Variants in AGBL1 observed in about 807,000 individuals in gnomAD.
AGBL1 encodes the protein AGBL carboxypeptidase 1.
A neutral mutation model predicts 118.9 loss-of-function variants in AGBL1; 130 were observed. That is an observed-to-expected ratio of 1.09 (90% confidence interval 0.95 to 1.26). The LOEUF (loss-of-function observed/expected upper bound fraction) is 1.26, where lower values mean the gene tolerates loss of function less well. Among genes scored for constraint, AGBL1 ranks in the 50% most tolerant of loss-of-function variants. AGBL1 has a pLI of 0.00. For synonymous variants in AGBL1, 555 were observed against 478.9 expected, an observed-to-expected ratio of 1.16 and a Z score of -2.08; for missense variants, 1,584 against 1,298.1, an observed-to-expected ratio of 1.22 and a Z score of -3.38.
intron 22 of AGBL1, among the ~76,000 whole-genome samples, chr15:86,811,688 C>T (rs563092718): frequency 9.2e-5 from 14 of 152,236 alleles, no homozygotes; most frequent in South Asian, 8.3e-4. Flanking sequence ...CAGTTTGGAA[C>T]TCAAACAGTC....
chr15:86,956,719 C>T (rs2080935395), intron 23 of AGBL1, among the ~76,000 whole-genome samples: 1 of 152,070 alleles, frequency 6.6e-6, no homozygotes. Flanking sequence ...AATTGGTCAC[C>T]ATTGTTTAAC....
At chr15:86,263,055 G>A (rs2079018169) in intron 10 of AGBL1, among the ~76,000 whole-genome samples, 161 bp downstream of exon 10, 1 of 152,146 alleles carries the variant, frequency 6.6e-6, no homozygotes, top group African/African-American at 2.4e-5. Flanking sequence ...AAACAAAAGT[G>A]GGAAAAGATG....
chr15:86,156,798 T>C (rs544855065), intron 4 of AGBL1, among the ~76,000 whole-genome samples: 92 of 76,052 alleles, frequency 1.2e-3, no homozygotes, highest in East Asian at 7.6e-3. Flanking sequence ...TTCTTTCTTT[T>C]TTTTTTTTTT....
chr15:86,231,743 C>T lies in AGBL1; in HGVS notation c.526+6792C>T, dbSNP rs114364606. 2.2e-3 allele frequency among the ~76,000 whole-genome samples: 341 copies of T among 152,324 alleles called. 2 individuals carry two copies. Among genetic ancestry groups the T allele is most frequent in the African/African-American group, 8.0e-3 (331 of 41,558 alleles). Reference sequence around the variant, plus strand: ...ATCGTTAGTGGGCTGCAGGGCTTACCTGCCAGTCTCCAGACCCCTGGGACC... The same window carrying T: ...ATCGTTAGTGGGCTGCAGGGCTTACTTGCCAGTCTCCAGACCCCTGGGACC... On this transcript the variant is annotated intron_variant, in intron 6 of 22. Transcript: ENST00000614907.
At chr15:86,080,480 A>G (rs1352521401) in intron 1 of AGBL1, among the ~76,000 whole-genome samples, 1 of 152,164 alleles carries the variant, frequency 6.6e-6, no homozygotes, top group East Asian at 1.9e-4. Flanking sequence ...CATTGTAGTT[A>G]CATCAGAATG....
intron 22 of AGBL1, among the ~76,000 whole-genome samples, chr15:86,903,175 T>C (rs2080235739): frequency 6.6e-6 from 1 of 152,074 alleles, no homozygotes; most frequent in African/African-American, 2.4e-5. Flanking sequence ...TGCCTTCTCC[T>C]TTCTGCTGTT....
Position 86,154,508 on chromosome 15 carries a change from A to G in AGBL1, c.341A>G (p.His114Arg), listed in dbSNP as rs758190679. The change falls in exon 4 of 23, where the codon CAT (histidine) becomes CGT (arginine). Residue 114 changes from histidine to arginine, a missense_variant. His to Arg is a conservative substitution (Grantham distance 29). Coordinates refer to ENST00000614907, the MANE Select transcript of AGBL1 (RefSeq NM_001386094.1). ...ATTCTGGCCAGGAAGAACCTATCCCATGGCCAGAATCTCCTCCACTGTCTC... is the reference window on the plus strand; with the variant it reads ...ATTCTGGCCAGGAAGAACCTATCCCGTGGCCAGAATCTCCTCCACTGTCTC... Reference protein sequence around the residue: ...TLILARKNLSHGQNLLHCLWA... With the variant: ...TLILARKNLSRGQNLLHCLWA... The G allele has an allele frequency of 1.9e-6, 3 of 1,613,074 alleles. No individual in the cohort carries two copies. The highest frequency in any genetic ancestry group is 2.5e-6 in the Non-Finnish European group (3 of 1,179,530).
rs112919649 is a variant in AGBL1 at position 86,856,622 on chromosome 15, T to A, written c.3159-50465T>A. 2.3e-3 allele frequency among the ~76,000 whole-genome samples: 353 copies of A among 152,384 alleles called. 1 individual carries two copies. Among genetic ancestry groups the A allele is most frequent in the African/African-American group, 8.2e-3 (343 of 41,602 alleles). On this transcript the variant is annotated intron_variant, in intron 22 of 22. Transcript: ENST00000614907. ...TGAGCATCCACTCTGCAGCAGGCAC[T>A]GTGTGTGCATTGTCCTTCACAGCAA...
At chr15:86,736,908 T>A (rs1045495682) in intron 22 of AGBL1, among the ~76,000 whole-genome samples, 2 of 152,184 alleles carry the variant, frequency 1.3e-5, no homozygotes, top group African/African-American at 4.8e-5. Context: ...GTATTATGTT[T>A]GATCATTGGT....
At chr15:86,227,702 T>C (rs894943317) in intron 6 of AGBL1, among the ~76,000 whole-genome samples, 1 of 152,260 alleles carries the variant, frequency 6.6e-6, no homozygotes, top group African/African-American at 2.4e-5. Context: ...TTTATTGATA[T>C]TTCCAAGAAA....
At chr15:86,232,279 G>A (rs542377683) in intron 6 of AGBL1, among the ~76,000 whole-genome samples, 3 of 152,342 alleles carry the variant, frequency 2.0e-5, no homozygotes, top group African/African-American at 7.2e-5. Context: ...AGACCCAGTA[G>A]GTTGGGCGGG....
intron 22 of AGBL1, among the ~76,000 whole-genome samples, chr15:86,877,970 C>G (rs975453465): frequency 6.6e-6 from 1 of 152,202 alleles, no homozygotes; most frequent in African/African-American, 2.4e-5. Context: ...ATAACCCAGC[C>G]TCCACATCCA....
intron 22 of AGBL1, among the ~76,000 whole-genome samples, chr15:86,797,999 C>G (rs767252576): frequency 6.6e-6 from 1 of 152,166 alleles, no homozygotes; most frequent in Non-Finnish European, 1.5e-5. Context: ...GTTCATGCAG[C>G]TAAAGCTTGG....
intron 21 of AGBL1, among the ~76,000 whole-genome samples, chr15:86,583,528 T>A (rs2881456): frequency 6.6e-6 from 1 of 151,946 alleles, no homozygotes; most frequent in Non-Finnish European, 1.5e-5. Flanking sequence ...CTTTTATGGC[T>A]GTGTGGTATT....
At chr15:86,843,041 A>G (rs1446679564) in intron 22 of AGBL1, among the ~76,000 whole-genome samples, 1 of 152,190 alleles carries the variant, frequency 6.6e-6, no homozygotes, top group Non-Finnish European at 1.5e-5. Context: ...GGGACATTCA[A>G]GGTAGATTTG....
chr15:86,167,489 G>A (rs934921997), intron 5 of AGBL1, among the ~76,000 whole-genome samples: 3 of 152,220 alleles, frequency 2.0e-5, no homozygotes, highest in South Asian at 2.1e-4. Context: ...CAGGCAGTCC[G>A]CCTACCTCAG....
At chr15:86,543,967 T>C (rs760947182) in intron 19 of AGBL1, among the ~76,000 whole-genome samples, 1 of 152,184 alleles carries the variant, frequency 6.6e-6, no homozygotes, top group Admixed American at 6.5e-5. Context: ...TATAATGGAA[T>C]TTTGGGCTGA....
intron 19 of AGBL1, among the ~76,000 whole-genome samples, chr15:86,541,031 C>G (rs963971858): frequency 5.9e-5 from 9 of 152,158 alleles, no homozygotes; most frequent in Admixed American, 5.9e-4. Flanking sequence ...GGCATAGCTT[C>G]TGGCTTTATT....
chr15:86,645,005 G>C (rs1435362210), intron 21 of AGBL1, among the ~76,000 whole-genome samples: 1 of 152,012 alleles, frequency 6.6e-6, no homozygotes, highest in Non-Finnish European at 1.5e-5. Flanking sequence ...TGGGTGACAA[G>C]AGCGAGACTG....
Sources: allele counts gnomAD v4.1 joint callset (sites outside exome capture counted in the v4.1 genomes callset), GRCh38; gene constraint gnomAD v4.1.1; transcripts MANE v1.5; gene names NCBI Gene and HGNC (gene_info 2026-07-23, HGNC 2026-07-21).